SLC39A10: variants seen among roughly 807,000 people sequenced by gnomAD.
SLC39A10 encodes solute carrier family 39 member 10, also known as zinc transporter ZIP10.
SLC39A10 carries 13 observed loss-of-function variants against 65.1 expected under a neutral mutation model. The observed-to-expected ratio is 0.20, with a 90% CI of 0.13 to 0.32. The LOEUF (loss-of-function observed/expected upper bound fraction) is 0.32, where lower values mean the gene tolerates loss of function less well. Ranked by LOEUF, SLC39A10 falls within the 10% of genes least tolerant of loss-of-function variation. SLC39A10 has a pLI of 1.00. For synonymous variants in SLC39A10, 321 were observed against 342.2 expected (o/e 0.94, Z 0.68); for missense variants, 831 against 1,018.4 (o/e 0.82, Z 2.50).
chr2:195,639,056 A>C (rs561757382), intron 2 of SLC39A10, among the ~76,000 whole-genome samples: 1 of 152,100 alleles, frequency 6.6e-6, no homozygotes, highest in Admixed American at 6.5e-5. Context: ...CCTGGGCTCA[A>C]GTGATCCTCC....
intron 1 of SLC39A10, among the ~76,000 whole-genome samples, chr2:195,679,430 A>G (rs1252499191): frequency 1.3e-5 from 2 of 152,124 alleles, no homozygotes; most frequent in Non-Finnish European, 2.9e-5. Flanking sequence ...AAATGCTTCA[A>G]TTTTGTTCCT....
At chr2:195,647,858 T>G (rs1459523444) in intron 2 of SLC39A10, among the ~76,000 whole-genome samples, 1 of 152,166 alleles carries the variant, frequency 6.6e-6, no homozygotes, top group African/African-American at 2.4e-5. Context: ...AAGCACAAAC[T>G]TTTGCTTAAA....
intron 2 of SLC39A10, among the ~76,000 whole-genome samples, chr2:195,649,489 C>T (rs1324671223): frequency 6.6e-6 from 1 of 152,018 alleles, no homozygotes; most frequent in African/African-American, 2.4e-5. Context: ...AAATGGGTCA[C>T]CTTATTAATT....
At chr2:195,714,084 G>A (rs1202190039) in intron 6 of SLC39A10, among the ~76,000 whole-genome samples, 7 of 151,952 alleles carry the variant, frequency 4.6e-5, no homozygotes, top group African/African-American at 4.8e-5. Context: ...CCACCACCAC[G>A]CCTGGCTAAT....
chr2:195,664,021 C>A (rs887242095), intron 1 of SLC39A10, among the ~76,000 whole-genome samples: 1 of 151,686 alleles, frequency 6.6e-6, no homozygotes, highest in Non-Finnish European at 1.5e-5. Flanking sequence ...AAAGCACATA[C>A]AGTGTACATA....
intron 9 of SLC39A10, among the ~76,000 whole-genome samples, chr2:195,732,278 AT>A (rs1162937179): frequency 6.6e-6 from 1 of 152,222 alleles, no homozygotes; most frequent in African/African-American, 2.4e-5. Flanking sequence ...ACTTTTATTG[AT>A]TTAAAGCCAT....
intron 2 of SLC39A10, among the ~76,000 whole-genome samples, chr2:195,624,312 G>T (rs753575563): frequency 9.5e-4 from 141 of 149,028 alleles, no homozygotes; most frequent in Non-Finnish European, 1.8e-3. Context: ...ACTTGAACCT[G>T]GGAGGCAGAG....
intron 1 of SLC39A10, among the ~76,000 whole-genome samples, chr2:195,679,141 C>CTAG (rs1317966529): frequency 2.0e-5 from 3 of 152,186 alleles, no homozygotes; most frequent in Non-Finnish European, 2.9e-5. Context: ...CCGTATGTGA[C>CTAG]TAGTGGTGGC....
chr2:195,665,915 T>G (rs928798701), intron 1 of SLC39A10, among the ~76,000 whole-genome samples: 2 of 152,224 alleles, frequency 1.3e-5, no homozygotes, highest in Admixed American at 6.5e-5. Flanking sequence ...TTCATTGTAA[T>G]TTTGGTTTAG....
intron 3 of SLC39A10, among the ~76,000 whole-genome samples, chr2:195,697,382 A>G (rs1691006737): frequency 6.6e-6 from 1 of 151,886 alleles, no homozygotes; most frequent in Non-Finnish European, 1.5e-5. Context: ...GTTTTCATTT[A>G]TTTGTCTTCT....
upstream of SLC39A10, among the ~76,000 whole-genome samples, chr2:195,654,841 C>A (rs1446345473): frequency 1.3e-5 from 2 of 152,104 alleles, no homozygotes; most frequent in Non-Finnish European, 2.9e-5. Flanking sequence ...TGTAAGCCTG[C>A]AAGTCATTTT....
chr2:195,657,380 G>A, intron 1 of SLC39A10, 99 bp downstream of exon 1: 1 of 985,438 alleles, frequency 1.0e-6, no homozygotes, highest in Non-Finnish European at 1.2e-6. Context: ...GGGTAGAAAG[G>A]GAGAACAGAA....
chr2:195,642,369 A>C (rs1688828280), intron 2 of SLC39A10, among the ~76,000 whole-genome samples: 2 of 152,352 alleles, frequency 1.3e-5, no homozygotes, highest in Admixed American at 1.3e-4. Flanking sequence ...AAGTGTGTTG[A>C]GAAGACAGGA....
chr2:195,624,256 G>A (rs1036161443), intron 2 of SLC39A10, among the ~76,000 whole-genome samples: 2 of 151,454 alleles, frequency 1.3e-5, no homozygotes, highest in Admixed American at 1.3e-4. Context: ...GTATGCTGGC[G>A]GGCGCCTGTA....
Position 195,735,123 on chromosome 2 carries a change from C to A in SLC39A10, c.*82C>A. 1 of 1,403,616 alleles carries A rather than the reference C, an allele frequency of 7.1e-7. No homozygotes were observed. Among genetic ancestry groups the A allele is most frequent in the South Asian group, 1.5e-5 (1 of 66,966 alleles). 86.9% of individuals were successfully genotyped at this position (1,403,616 alleles called of 1,614,324 possible). Reference sequence around the variant, plus strand: ...TTCCTTGTACTGTATGCACATTGCTCAAAGGAAAGTCAGTGGCTTGCACTA... The same window carrying A: ...TTCCTTGTACTGTATGCACATTGCTAAAAGGAAAGTCAGTGGCTTGCACTA... On this transcript the variant is annotated 3_prime_UTR_variant, in exon 10 of 10. Transcript: ENST00000359634.
chr2:195,654,918 A>T (rs1195354465), upstream of SLC39A10, among the ~76,000 whole-genome samples: 1 of 152,128 alleles, frequency 6.6e-6, no homozygotes, highest in African/African-American at 2.4e-5. Flanking sequence ...ATTCTATCTG[A>T]TAATTTTGCT....
At chr2:195,675,887 A>T (rs1036716268) in intron 1 of SLC39A10, among the ~76,000 whole-genome samples, 1 of 152,090 alleles carries the variant, frequency 6.6e-6, no homozygotes, top group South Asian at 2.1e-4. Flanking sequence ...CCAGACGCAT[A>T]AGGTAGTTTG....
chr2:195,695,705 C>A (rs1365383914), intron 3 of SLC39A10, among the ~76,000 whole-genome samples: 5 of 152,218 alleles, frequency 3.3e-5, no homozygotes. Context: ...TCTGTCCGAG[C>A]AGGAGCTGCA....
At chr2:195,664,119 AG>A (rs1236465530) in intron 1 of SLC39A10, among the ~76,000 whole-genome samples, 3 of 152,132 alleles carry the variant, frequency 2.0e-5, no homozygotes, top group African/African-American at 7.2e-5. Flanking sequence ...AAATATATTA[AG>A]AAAAAAGTTC....
Sources: gnomAD v4.1 joint callset for allele counts (sites outside exome capture counted in the v4.1 genomes callset) on GRCh38, gnomAD v4.1.1 for gene constraint, MANE v1.5 for transcripts, NCBI Gene and HGNC (gene_info 2026-07-23, HGNC 2026-07-21) for gene names.